Variants in EP300 observed in about 807,000 individuals in gnomAD.
EP300 encodes EP300 lysine acetyltransferase.
Under a neutral mutation model 264.0 loss-of-function variants are expected in EP300, and 31 were observed. That is an observed-to-expected ratio of 0.12 (90% confidence interval 0.09 to 0.16). The LOEUF (loss-of-function observed/expected upper bound fraction) is 0.16. EP300 is among the 10% of genes least tolerant of loss of function. The pLI is 1.00. For synonymous variants in EP300, 1,340 were observed against 1,045.4 expected (o/e 1.28, Z -5.44); for missense variants, 2,766 against 3,052.9 (o/e 0.91, Z 2.21).
At chr22:41,093,661 C>CT (rs1005345366) in intron 1 of EP300, among the ~76,000 whole-genome samples, 10 of 152,084 alleles carry the variant, frequency 6.6e-5, no homozygotes, top group South Asian at 4.2e-4. Context: ...CCATTCTTAG[C>CT]TTTTTTTTCC....
chr22:41,149,844 G>T lies in EP300; in HGVS notation c.2463G>T (p.Gln821His). 1 of 1,613,942 alleles carries T rather than the reference G, an allele frequency of 6.2e-7. No individual in the cohort carries two copies. Among genetic ancestry groups the T allele is most frequent in the Non-Finnish European group, 8.5e-7 (1 of 1,179,990 alleles). The change falls in exon 14 of 31, where the codon CAG becomes CAT. Residue 821 changes from glutamine (Q) to histidine (H), a missense_variant. Physicochemically the swap from Gln to His is conservative, Grantham distance 24. Coordinates refer to ENST00000263253, the MANE Select transcript of EP300 (RefSeq NM_001429.4). ...AGGGGAGCCACATTCACTGTCCCCA[G>T]CTTCCTCAACCAGCTCTTCATCAGA... ...GSQGSHIHCPQLPQPALHQNS... is the reference protein window; with the variant it reads ...GSQGSHIHCPHLPQPALHQNS...
intron 10 of EP300, among the ~76,000 whole-genome samples, chr22:41,145,335 A>C (rs990146203): frequency 6.6e-6 from 1 of 152,238 alleles, no homozygotes; most frequent in Non-Finnish European, 1.5e-5. Context: ...GTTTATATGA[A>C]TAAATGTTGA....
At chr22:41,098,146 C>T (rs1047358758) in intron 1 of EP300, among the ~76,000 whole-genome samples, 1 of 152,092 alleles carries the variant, frequency 6.6e-6, no homozygotes, top group African/African-American at 2.4e-5. Flanking sequence ...CTATCCCTCT[C>T]CCCTCCCTGC....
At chr22:41,127,783 T>C (rs765454577) in intron 4 of EP300, 35 bp downstream of exon 4, 7 of 1,613,048 alleles carry the variant, frequency 4.3e-6, no homozygotes, top group Non-Finnish European at 5.9e-6. Context: ...TACTTAGCAA[T>C]TTTTACAGCC....
At position 41,093,284 on chromosome 22, in the gene EP300, C is replaced by G. The variant is rs566199836; in HGVS notation, c.94+186C>G. Among the ~76,000 whole-genome samples, 7 of 152,276 alleles carry G rather than the reference C, an allele frequency of 4.6e-5. No homozygotes were observed. The East Asian group carries it at 1.2e-3, about 25-fold the overall frequency. ...CAACCATTTTCTTTGCCTCCTAATA[C>G]ATTGATTGCAACACTATGTCATATC... On this transcript the variant is annotated intron_variant, in intron 1 of 30. Transcript: ENST00000263253.
chr22:41,167,597 T>TAA (rs2059144494), intron 23 of EP300, among the ~76,000 whole-genome samples: 1 of 13,668 alleles, frequency 7.3e-5, no homozygotes, highest in African/African-American at 1.8e-4. Flanking sequence ...TATATATATA[T>TAA]ATATATATAT....
rs753573114 is a variant in EP300 at position 41,125,844 on chromosome 22, C to T, written c.730-20C>T. 8 of 1,612,020 alleles carry T rather than the reference C, an allele frequency of 5.0e-6. No homozygotes were observed. The African/African-American group carries it at 5.3e-5, about 11-fold the overall frequency. Reference sequence around the variant, plus strand: ...TAAATTTTATTGCTTATTTTGTTTTCTTTTGTTTCTTACTCTTAGATGGGA... The same window carrying T: ...TAAATTTTATTGCTTATTTTGTTTTTTTTTGTTTCTTACTCTTAGATGGGA... On this transcript the variant is annotated intron_variant, in intron 2 of 30. Coordinates refer to ENST00000263253, the MANE Select transcript of EP300 (RefSeq NM_001429.4).
In EP300 at chr22:41,178,765, G is replaced by A. The variant is rs560504491; in HGVS notation, c.7054G>A (p.Val2352Ile). The A allele has an allele frequency of 1.2e-6, 2 of 1,614,028 alleles. No homozygotes were observed. Among genetic ancestry groups the A allele is most frequent in the Non-Finnish European group, 1.7e-6 (2 of 1,180,016 alleles). ...GACAAGTTCCCCACATCCTGGACTG[G>A]TAGCTGCCCAGGCCAACCCCATGGA... ...PQTSSPHPGL[V>I]AAQANPMEQG... is the part of the protein sequence containing the mutation. The change falls in exon 31 of 31, where the codon GTA (valine) becomes ATA (isoleucine). Residue 2352 changes from valine (V) to isoleucine (I), a missense_variant. Transcript: ENST00000263253.
Position 41,152,014 on chromosome 22 carries a change from TGA to T in EP300, c.2997+6_2997+7del, listed in dbSNP as rs2059048847. 6.2e-7 allele frequency: 1 copy of T among 1,614,044 alleles called. No homozygotes were observed. Among genetic ancestry groups the T allele is most frequent in the African/African-American group, 1.3e-5 (1 of 74,986 alleles). On this transcript the variant is annotated splice_donor_region_variant and intron_variant, in intron 15 of 30. Coordinates refer to ENST00000263253, the MANE Select transcript of EP300 (RefSeq NM_001429.4). ...ACTCAGCCGGAGGATATTTCAGAGG[TGA>T]GAGTAGGGCAATTACTGTTTGATTT...
At chr22:41,099,204 C>T (rs2058718017) in intron 1 of EP300, among the ~76,000 whole-genome samples, 2 of 152,130 alleles carry the variant, frequency 1.3e-5, no homozygotes. Flanking sequence ...GCTAGGACTA[C>T]AGCTGCGCAG....
intron 23 of EP300, among the ~76,000 whole-genome samples, chr22:41,167,922 A>G (rs764626909): frequency 1.5e-5 from 2 of 135,328 alleles, no homozygotes; most frequent in Admixed American, 8.8e-5. Flanking sequence ...CCCGGGTTCA[A>G]GCGATTCTCG....
At chr22:41,150,317 T>C in intron 14 of EP300, 119 bp downstream of exon 14, 15 of 1,247,294 alleles carry the variant, frequency 1.2e-5, no homozygotes, top group Middle Eastern at 2.2e-4. Context: ...ACAAGTAGAA[T>C]GTAATCTATT....
chr22:41,136,173 A>G (rs1447670521), intron 7 of EP300, among the ~76,000 whole-genome samples: 2 of 152,142 alleles, frequency 1.3e-5, no homozygotes, highest in Non-Finnish European at 2.9e-5. Flanking sequence ...TTACAGGAAC[A>G]CACCACCATG....
intron 29 of EP300, chr22:41,175,912 A>T (rs960860271): frequency 2.9e-6 from 1 of 340,918 alleles, no homozygotes; most frequent in African/African-American, 2.1e-5. Context: ...AAACTAACTC[A>T]GCATTCGCCA....
intron 17 of EP300, among the ~76,000 whole-genome samples, 172 bp from the exon 18 acceptor site, chr22:41,156,997 C>G (rs1316705194): frequency 1.3e-5 from 2 of 152,150 alleles, no homozygotes; most frequent in South Asian, 2.1e-4. Flanking sequence ...AGTTTAATAT[C>G]TCTGTAAACT....
chr22:41,160,706 C>T lies in EP300; in HGVS notation c.3655C>T (p.Pro1219Ser), dbSNP rs1231119644. The T allele has an allele frequency of 6.2e-7, 1 of 1,613,976 alleles. No homozygotes were observed. Among genetic ancestry groups the T allele is most frequent in the Non-Finnish European group, 8.5e-7 (1 of 1,179,918 alleles). ...QGESVSLGDD[P>S]SQPQTTINKE... is the part of the protein sequence containing the mutation. ...GGAGAGCGTTTCTTTGGGGGATGAC[C>T]CTTCCCAGCCTCAAACGTAAGTAAC... The change falls in exon 20 of 31, where the codon CCT becomes TCT. Residue 1219 changes from proline (P) to serine (S), a missense_variant. By Grantham distance (74) the Pro-to-Ser change is moderately conservative (BLOSUM62 -1). Transcript: ENST00000263253.
intron 1 of EP300, among the ~76,000 whole-genome samples, chr22:41,104,667 T>G (rs529264690): frequency 2.0e-5 from 3 of 152,320 alleles, no homozygotes; most frequent in African/African-American, 7.2e-5. Flanking sequence ...AATGTGAATT[T>G]TCTAAACATG....
rs761955163 is a variant in EP300 at position 41,178,108 on chromosome 22, A to G, written c.6397A>G (p.Met2133Val). The G allele has an allele frequency of 1.6e-5, 26 of 1,613,968 alleles. No homozygotes were observed. The South Asian group carries it at 2.5e-4, about 16-fold the overall frequency. The stretch of plus-strand genomic sequence containing the variant: ...CCACTCCAATCCAGCCATGCAGAAC[A>G]TGAATCCAATGCAGGCGGGCGTTCA... The part of the protein sequence containing the change: ...GVHSNPAMQN[M>V]NPMQAGVQRA... The change falls in exon 31 of 31, where the codon ATG becomes GTG. Residue 2133 changes from methionine to valine, a missense_variant. Transcript: ENST00000263253.
chr22:41,174,639 G>C (rs1456849885), intron 29 of EP300: 1 of 151,870 alleles, frequency 6.6e-6, no homozygotes, highest in Non-Finnish European at 1.5e-5. Context: ...GAGAATTGAA[G>C]AGTAATTCCT....
Sources: gnomAD v4.1 joint callset for allele counts (sites outside exome capture counted in the v4.1 genomes callset) on GRCh38, gnomAD v4.1.1 for gene constraint, MANE v1.5 for transcripts, NCBI Gene and HGNC (gene_info 2026-07-23, HGNC 2026-07-21) for gene names.